PCDH15: variants seen among roughly 807,000 people sequenced by gnomAD.
PCDH15 encodes protocadherin related 15.
A neutral mutation model predicts 178.5 loss-of-function variants in PCDH15; 129 were observed. The observed-to-expected ratio is 0.72, with a 90% CI of 0.63 to 0.84. The LOEUF is 0.84. Ranked by LOEUF, PCDH15 falls within the 40% of genes least tolerant of loss-of-function variation. The pLI is 0.00. For synonymous variants in PCDH15, 800 were observed against 732.0 expected (o/e 1.09, Z -1.50); for missense variants, 2,230 against 2,099.9 (o/e 1.06, Z -1.21).
intron 26 of PCDH15, among the ~76,000 whole-genome samples, chr10:53,872,697 G>A (rs1349023294): frequency 1.3e-5 from 2 of 152,120 alleles, no homozygotes; most frequent in African/African-American, 4.8e-5. Flanking sequence ...GTCTATTTAG[G>A]AAATCCTTGC....
intron 20 of PCDH15, among the ~76,000 whole-genome samples, chr10:54,017,600 G>C (rs1165284369): frequency 6.6e-6 from 1 of 151,954 alleles, no homozygotes; most frequent in Non-Finnish European, 1.5e-5. Flanking sequence ...GGTACTCCTG[G>C]ACATAAAAAT....
At chr10:55,456,754 T>A (rs749915880) in intron 2 of PCDH15, among the ~76,000 whole-genome samples, 1 of 152,012 alleles carries the variant, frequency 6.6e-6, no homozygotes, top group East Asian at 1.9e-4. Flanking sequence ...CAGCCTTGTC[T>A]GGTTCTGAAA....
At chr10:55,107,844 T>C (rs902035723) in intron 2 of PCDH15, among the ~76,000 whole-genome samples, 2 of 152,056 alleles carry the variant, frequency 1.3e-5, no homozygotes, top group African/African-American at 4.8e-5. Context: ...ATTTGCTTTC[T>C]GTTTACACTC....
intron 26 of PCDH15, among the ~76,000 whole-genome samples, chr10:53,896,448 G>A (rs771228019): frequency 6.7e-5 from 10 of 149,976 alleles, no homozygotes; most frequent in African/African-American, 2.2e-4. Flanking sequence ...AATAGATGTC[G>A]TGAGTATTTG....
intron 2 of PCDH15, among the ~76,000 whole-genome samples, chr10:54,534,753 T>G (rs978920886): frequency 3.9e-5 from 6 of 152,184 alleles, no homozygotes; most frequent in Non-Finnish European, 7.3e-5. Flanking sequence ...GTTTTCAATT[T>G]GCATGTCACA....
chr10:53,990,510 TTA>T lies in PCDH15; in HGVS notation c.2868+5137_2868+5138del, dbSNP rs371983214. ...TAATTCTCACAATGTTATATATATGTTATATATATATATGTTCTATATATGTT... is the reference window on the plus strand; with the variant it reads ...TAATTCTCACAATGTTATATATATGTTATATATATATGTTCTATATATGTT... On this transcript the variant is annotated intron_variant, in intron 21 of 37. Coordinates refer to ENST00000644397, the MANE Select transcript of PCDH15 (RefSeq NM_001384140.1). Among the ~76,000 whole-genome samples the T allele has an allele frequency of 7.3e-5, 10 of 137,158 alleles. No homozygotes were observed. In the East Asian group the frequency reaches 1.2e-3, roughly 17 times the overall value. 90.0% of individuals were successfully genotyped at this position (137,158 alleles called of 152,430 possible).
At chr10:54,667,538 C>T (rs2094590483) in intron 1 of PCDH15, among the ~76,000 whole-genome samples, 1 of 151,992 alleles carries the variant, frequency 6.6e-6, no homozygotes, top group Non-Finnish European at 1.5e-5. Context: ...GCTTTTTAAT[C>T]TCTAGAATTA....
intron 2 of PCDH15, among the ~76,000 whole-genome samples, chr10:55,464,625 A>AATATATATATATATAT (rs201924826): frequency 3.2e-5 from 2 of 63,028 alleles, no homozygotes; most frequent in Non-Finnish European, 5.0e-5. Context: ...AATGGGAGTA[A>AATATATATATATATAT]ATATATATAT....
chr10:54,478,594 G>A (rs938395917), intron 3 of PCDH15, among the ~76,000 whole-genome samples: 5 of 152,028 alleles, frequency 3.3e-5, no homozygotes, highest in African/African-American at 1.2e-4. Context: ...ATAAGCATTT[G>A]CCTAATTTCA....
At chr10:55,491,178 G>A (rs1840406660) in intron 2 of PCDH15, among the ~76,000 whole-genome samples, 1 of 151,608 alleles carries the variant, frequency 6.6e-6, no homozygotes, top group Admixed American at 6.6e-5. Flanking sequence ...TTCTATTACA[G>A]GAACGTGTGG....
intron 1 of PCDH15, among the ~76,000 whole-genome samples, chr10:54,690,119 AT>A (rs2095091687): frequency 1.3e-5 from 2 of 152,108 alleles, no homozygotes; most frequent in African/African-American, 4.8e-5. Flanking sequence ...AAAAATGTCT[AT>A]CTTCTGTTGA....
intron 1 of PCDH15, among the ~76,000 whole-genome samples, chr10:54,758,939 G>A (rs2133110387): frequency 6.6e-6 from 1 of 152,082 alleles, no homozygotes; most frequent in Non-Finnish European, 1.5e-5. Context: ...GCCTCCTATA[G>A]GTCTGGCTTC....
intron 27 of PCDH15, among the ~76,000 whole-genome samples, chr10:53,865,815 G>GA (rs2079411885): frequency 6.6e-6 from 1 of 151,940 alleles, no homozygotes; most frequent in Non-Finnish European, 1.5e-5. Context: ...GAAGAACTGC[G>GA]AAAAAATGAA....
At chr10:54,078,049 G>A (rs947326752) in intron 17 of PCDH15, among the ~76,000 whole-genome samples, 4 of 152,070 alleles carry the variant, frequency 2.6e-5, no homozygotes, top group African/African-American at 7.2e-5. Flanking sequence ...GGCAACAAGA[G>A]CGAAACTCCA....
chr10:54,534,482 C>T (rs570090925), intron 2 of PCDH15, among the ~76,000 whole-genome samples: 1 of 152,236 alleles, frequency 6.6e-6, no homozygotes, highest in East Asian at 1.9e-4. Flanking sequence ...CTCTACTGGT[C>T]CCAGTATGCC....
At chr10:54,908,625 T>C (rs986694587) in intron 2 of PCDH15, among the ~76,000 whole-genome samples, 3 of 152,182 alleles carry the variant, frequency 2.0e-5, no homozygotes, top group Non-Finnish European at 4.4e-5. Flanking sequence ...TTGTCCTGCA[T>C]CCAGGAAGAA....
At chr10:54,496,323 T>C (rs1012010266) in intron 3 of PCDH15, among the ~76,000 whole-genome samples, 1 of 152,022 alleles carries the variant, frequency 6.6e-6, no homozygotes, top group East Asian at 1.9e-4. Context: ...TTTGTTTTCT[T>C]TATGTAGACA....
intron 3 of PCDH15, among the ~76,000 whole-genome samples, chr10:54,414,782 A>G (rs2135704715): frequency 6.6e-6 from 1 of 152,242 alleles, no homozygotes; most frequent in Admixed American, 6.5e-5. Flanking sequence ...AGCAACAGCA[A>G]TAGTAAGTAG....
At chr10:54,897,229 T>A (rs922787952) in intron 3 of PCDH15, among the ~76,000 whole-genome samples, 1 of 152,194 alleles carries the variant, frequency 6.6e-6, no homozygotes, top group Non-Finnish European at 1.5e-5. Context: ...ATACTGTACT[T>A]GAATAAACCA....
Sources: gnomAD v4.1 joint callset for allele counts (sites outside exome capture counted in the v4.1 genomes callset) on GRCh38, gnomAD v4.1.1 for gene constraint, MANE v1.5 for transcripts, NCBI Gene and HGNC (gene_info 2026-07-23, HGNC 2026-07-21) for gene names.